Variants in GRM7 observed in about 807,000 individuals in gnomAD.
The protein encoded by GRM7 is metabotropic glutamate receptor 7.
In GRM7, 35 loss-of-function variants were observed where a neutral mutation model predicts 84.5. That is an observed-to-expected ratio of 0.41 (90% CI 0.32 to 0.55). The LOEUF is 0.55. Ranked by LOEUF, GRM7 falls within the 20% of genes least tolerant of loss-of-function variation. GRM7 has a pLI of 0.19. For synonymous variants in GRM7, 487 were observed against 455.1 expected (o/e 1.07, Z -0.89); for missense variants, 1,003 against 1,194.6 (o/e 0.84, Z 2.36).
chr3:6,951,875 G>GT (rs1692786800), intron 1 of GRM7, among the ~76,000 whole-genome samples: 1 of 152,062 alleles, frequency 6.6e-6, no homozygotes, highest in African/African-American at 2.4e-5. Flanking sequence ...TTGTAGCTCT[G>GT]TTTTTTGCCT....
At chr3:7,512,253 G>A (rs1480437449) in intron 7 of GRM7, among the ~76,000 whole-genome samples, 1 of 152,154 alleles carries the variant, frequency 6.6e-6, no homozygotes, top group Non-Finnish European at 1.5e-5. Context: ...GCTTCTGTAG[G>A]AGGCTCATGC....
intron 7 of GRM7, among the ~76,000 whole-genome samples, chr3:7,511,889 C>A (rs1700223166): frequency 6.6e-6 from 1 of 152,104 alleles, no homozygotes. Context: ...TGCCTGTAAT[C>A]TCAGCACTTT....
At chr3:6,994,843 G>A (rs1694776814) in intron 1 of GRM7, among the ~76,000 whole-genome samples, 1 of 152,158 alleles carries the variant, frequency 6.6e-6, no homozygotes, top group Non-Finnish European at 1.5e-5. Flanking sequence ...TGTGCATTTG[G>A]ATGATTCGGC....
intron 1 of GRM7, among the ~76,000 whole-genome samples, chr3:6,997,383 A>T (rs1298829254): frequency 6.6e-6 from 1 of 152,212 alleles, no homozygotes; most frequent in East Asian, 1.9e-4. Flanking sequence ...ACAGTTCTGC[A>T]GGGCTGGGGA....
At chr3:7,332,757 C>A (rs1472403386) in intron 4 of GRM7, among the ~76,000 whole-genome samples, 1 of 152,158 alleles carries the variant, frequency 6.6e-6, no homozygotes, top group African/African-American at 2.4e-5. Context: ...AAAGAAACAG[C>A]TTACTGCTGC....
At chr3:7,659,450 CTATT>C (rs1225737583) in intron 8 of GRM7, among the ~76,000 whole-genome samples, 4 of 146,026 alleles carry the variant, frequency 2.7e-5, no homozygotes, top group Non-Finnish European at 6.1e-5. Flanking sequence ...AATGGTCAGA[CTATT>C]TTAAAGCAAT....
At chr3:6,966,122 C>G (rs918443972) in intron 1 of GRM7, among the ~76,000 whole-genome samples, 2 of 152,102 alleles carry the variant, frequency 1.3e-5, no homozygotes, top group African/African-American at 4.8e-5. Context: ...CAGGTCCTTC[C>G]GATGTTAACA....
At chr3:7,522,038 T>C (rs1700616467) in intron 7 of GRM7, among the ~76,000 whole-genome samples, 1 of 152,136 alleles carries the variant, frequency 6.6e-6, no homozygotes, top group African/African-American at 2.4e-5. Context: ...GTGACTCATA[T>C]AGGGTTCCAG....
chr3:7,699,712 A>G (rs1269062600), intron 9 of GRM7, among the ~76,000 whole-genome samples: 1 of 152,102 alleles, frequency 6.6e-6, no homozygotes, highest in Admixed American at 6.6e-5. Flanking sequence ...AGCCCTCTTT[A>G]TAAGACTGCT....
chr3:7,058,727 G>T (rs994471707), intron 1 of GRM7, among the ~76,000 whole-genome samples: 13 of 151,700 alleles, frequency 8.6e-5, no homozygotes, highest in African/African-American at 3.1e-4. Flanking sequence ...AAGGAGACAG[G>T]GTCATTTATA....
At chr3:7,281,819 G>A (rs936923822) in intron 2 of GRM7, among the ~76,000 whole-genome samples, 10 of 152,148 alleles carry the variant, frequency 6.6e-5, no homozygotes, top group African/African-American at 2.2e-4. Context: ...AGTGGCTCAC[G>A]CCTGTAATCC....
At chr3:7,414,242 A>G (rs750157667) in intron 4 of GRM7, among the ~76,000 whole-genome samples, 2 of 152,070 alleles carry the variant, frequency 1.3e-5, no homozygotes. Flanking sequence ...TCAACTTTAT[A>G]AGTTTCCAAA....
chr3:6,896,211 A>G (rs1696177170), intron 1 of GRM7, among the ~76,000 whole-genome samples: 1 of 152,146 alleles, frequency 6.6e-6, no homozygotes, highest in Non-Finnish European at 1.5e-5. Flanking sequence ...TGATGAAAGT[A>G]TTCCCACGCC....
At chr3:7,414,733 C>T (rs1414807207) in intron 4 of GRM7, among the ~76,000 whole-genome samples, 1 of 152,058 alleles carries the variant, frequency 6.6e-6, no homozygotes, top group Non-Finnish European at 1.5e-5. Flanking sequence ...CAGAATGTGG[C>T]ATAATGGTTG....
intron 9 of GRM7, among the ~76,000 whole-genome samples, chr3:7,709,583 T>C (rs2125164652): frequency 6.6e-6 from 1 of 152,094 alleles, no homozygotes; most frequent in South Asian, 2.1e-4. Context: ...CTCCTCTCTG[T>C]GTCAACCACA....
chr3:7,737,941 G>A (rs749597766), intron 9 of GRM7, among the ~76,000 whole-genome samples: 7 of 151,114 alleles, frequency 4.6e-5, no homozygotes, highest in African/African-American at 1.5e-4. Context: ...TCTGCCTCAC[G>A]GGTTCAAGTG....
chr3:7,325,758 T>A, intron 4 of GRM7, among the ~76,000 whole-genome samples: 1 of 152,202 alleles, frequency 6.6e-6, no homozygotes, highest in Admixed American at 6.5e-5. Flanking sequence ...CTTTTAAATA[T>A]TTGTAGTGTT....
intron 9 of GRM7, among the ~76,000 whole-genome samples, chr3:7,709,926 C>T (rs1222579399): frequency 1.3e-5 from 2 of 152,188 alleles, no homozygotes; most frequent in Non-Finnish European, 2.9e-5. Flanking sequence ...TTGGAATGCA[C>T]ATTAGGCGCC....
intron 1 of GRM7, among the ~76,000 whole-genome samples, chr3:6,945,333 A>G (rs9681467): frequency 0.012 from 1,766 of 151,044 alleles, 31 homozygotes; most frequent in African/African-American, 0.041. Context: ...TGTCCTTGTG[A>G]TAGTTTGCTG....
Sources: gnomAD v4.1 joint callset for allele counts (sites outside exome capture counted in the v4.1 genomes callset) on GRCh38, gnomAD v4.1.1 for gene constraint, MANE v1.5 for transcripts, NCBI Gene and HGNC (gene_info 2026-07-23, HGNC 2026-07-21) for gene names.